MIF4GD: variants seen among roughly 807,000 people sequenced by gnomAD.
The protein encoded by MIF4GD is MIF4G domain containing, also known as MIF4G domain-containing protein.
A neutral mutation model predicts 26.7 loss-of-function variants in MIF4GD; 22 were observed. The ratio of observed to expected loss-of-function variants is 0.82; its 90% CI spans 0.59 to 1.18. The LOEUF (loss-of-function observed/expected upper bound fraction) is 1.18, where lower values mean the gene tolerates loss of function less well. MIF4GD is among the 50% of genes most tolerant of loss of function. The pLI is 0.00. For missense variants in MIF4GD, 262 were observed against 279.6 expected (o/e 0.94, Z 0.45); for synonymous variants, 137 against 111.6 (o/e 1.23, Z -1.43).
At position 75,266,342 on chromosome 17, in the gene MIF4GD, T is replaced by A. The variant is rs1016668485; in HGVS notation, c.*398A>T. 5.5e-6 allele frequency: 2 copies of A among 361,244 alleles called. No individual in the cohort carries two copies. Among genetic ancestry groups the A allele is most frequent in the Admixed American group, 8.5e-5 (2 of 23,468 alleles). 22.4% of individuals were successfully genotyped at this position (361,244 alleles called of 1,614,324 possible). A position where few individuals can be genotyped will look rare whatever the true frequency, so the allele number is the denominator to read the frequency against. ...ATAGGCTTGTTTCCAGAGTTGTCCT[T>A]ATACAAAATGTATAAAAAGCAGTTT... is the stretch of plus-strand genomic sequence containing the variant. On this transcript the variant is annotated 3_prime_UTR_variant, in exon 6 of 6. Transcript: ENST00000325102.
In MIF4GD at chr17:75,270,182, C is replaced by G. The variant is rs370509484; in HGVS notation, c.14G>C (p.Ser5Thr). 6.2e-7 allele frequency: 1 copy of G among 1,613,912 alleles called. No homozygotes were observed. The highest frequency in any genetic ancestry group is 1.3e-5 in the African/African-American group (1 of 74,934). MGEP[S>T]REEYKIQSFD... ...GGACTGGATTTTATACTCCTCTCTA[C>G]TGGGCTCCCCCATGACTAGCCAGCC... Residue 5 changes from serine (S) to threonine (T), a missense_variant, in exon 2 of 6, where the codon AGT becomes ACT. Ser to Thr is a moderately conservative substitution (Grantham distance 58). Transcript: ENST00000325102. The surrounding 1 kb of genome is among the most constrained non-coding windows in gnomAD (Gnocchi z 5.7).
Position 75,266,843 on chromosome 17 carries a change from G to C in MIF4GD, c.566C>G (p.Ser189Cys). 2 of 1,614,186 alleles carry C rather than the reference G, an allele frequency of 1.2e-6. No homozygotes were observed. The highest frequency in any genetic ancestry group is 1.7e-6 in the Non-Finnish European group (2 of 1,180,036). ...CTCCAGCAGCAGCAGCTGGGCCAGG[G>C]AGCTGAGGCCAGTTGGGAGCAGGAA... ...DGFLLPTGLS[S>C]LAQLLLLEII... The change falls in exon 6 of 6, where the codon TCC (serine) becomes TGC (cysteine). Residue 189 changes from serine to cysteine, a missense_variant. Physicochemically the swap from Ser to Cys is moderately radical, Grantham distance 112. Coordinates refer to ENST00000325102, the MANE Select transcript of MIF4GD (RefSeq NM_001370592.1).
At position 75,270,396 on chromosome 17, in the gene MIF4GD, T is replaced by G. The variant is rs907655497; in HGVS notation, c.-50-151A>C. ...GTGGTTGGCTGAAGGCCCACCAGGC[T>G]TGGCTTCTGGTGGGGACTGGGCATC... On this transcript the variant is annotated intron_variant, in intron 1 of 5. Transcript: ENST00000325102. The surrounding 1 kb of genome is among the most constrained non-coding windows in gnomAD (Gnocchi z 5.7). 1.9e-5 allele frequency: 11 copies of G among 577,958 alleles called. No individual in the cohort carries two copies. The highest frequency in any genetic ancestry group is 3.8e-5 in the African/African-American group (2 of 52,974). The allele number at this position is 577,958 out of a possible 1,614,324, so 35.8% of individuals were successfully genotyped here.
In MIF4GD at chr17:75,266,328, T is replaced by A. The variant is rs890774666; in HGVS notation, c.*412A>T. On this transcript the variant is annotated 3_prime_UTR_variant, in exon 6 of 6. Coordinates refer to ENST00000325102, the MANE Select transcript of MIF4GD (RefSeq NM_001370592.1). Reference sequence around the variant, plus strand: ...ACTGGCTGGAGGAAATAGGCTTGTTTCCAGAGTTGTCCTTATACAAAATGT... The same window carrying A: ...ACTGGCTGGAGGAAATAGGCTTGTTACCAGAGTTGTCCTTATACAAAATGT... 2.8e-6 allele frequency: 1 copy of A among 354,616 alleles called. No homozygotes were observed. Among genetic ancestry groups the A allele is most frequent in the Non-Finnish European group, 5.3e-6 (1 of 188,972 alleles). The allele number at this position is 354,616 out of a possible 1,614,324, so 22.0% of individuals were successfully genotyped here. A position where few individuals can be genotyped will look rare whatever the true frequency, so the allele number is the denominator to read the frequency against.
chr17:75,268,300 A>G, intron 2 of MIF4GD, 108 bp from the exon 3 acceptor site: 1 of 813,942 alleles, frequency 1.2e-6, no homozygotes, highest in Middle Eastern at 2.2e-4. Flanking sequence ...ATATGCTTGA[A>G]GTGAAAGAGA....
In MIF4GD at chr17:75,266,836, G is replaced by C. The variant is rs932449116; in HGVS notation, c.573C>G (p.Ala191=). Residue 191 remains alanine (A), a synonymous_variant, in exon 6 of 6, where the codon GCC becomes GCG. Transcript: ENST00000325102. ...FLLPTGLSSL[A]QLLLLEIIEF... Reference sequence around the variant, plus strand: ...CAATGATCTCCAGCAGCAGCAGCTGGGCCAGGGAGCTGAGGCCAGTTGGGA... The same window carrying C: ...CAATGATCTCCAGCAGCAGCAGCTGCGCCAGGGAGCTGAGGCCAGTTGGGA... 5.0e-6 allele frequency: 8 copies of C among 1,614,054 alleles called. No individual in the cohort carries two copies. The highest frequency in any genetic ancestry group is 1.6e-4 in the Middle Eastern group (1 of 6,082).
In MIF4GD at chr17:75,266,534, G is replaced by T. The variant is rs16967764; in HGVS notation, c.*206C>A. The T allele has an allele frequency of 3.3e-6, 2 of 603,206 alleles. No individual in the cohort carries two copies. Among genetic ancestry groups the T allele is most frequent in the South Asian group, 2.0e-5 (1 of 50,638 alleles). 37.4% of individuals were successfully genotyped at this position (603,206 alleles called of 1,614,324 possible). A position where few individuals can be genotyped will look rare whatever the true frequency, so the allele number is the denominator to read the frequency against. On this transcript the variant is annotated 3_prime_UTR_variant, in exon 6 of 6. Coordinates refer to ENST00000325102, the MANE Select transcript of MIF4GD (RefSeq NM_001370592.1). ...GGGAGTTGCCCTTCTCTGCCTGGCC[G>T]TGGTGGGTTGTGGTGGGGAAAGGGG...
Position 75,266,817 on chromosome 17 carries a change from TCTC to T in MIF4GD, c.589_591del (p.Glu197del). Reference sequence around the variant, plus strand: ...CAGCCGGCCGCCCGGAACTCAATGATCTCCAGCAGCAGCAGCTGGGCCAGGGAG... The same window carrying T: ...CAGCCGGCCGCCCGGAACTCAATGATCAGCAGCAGCAGCTGGGCCAGGGAG... On this transcript the variant is annotated inframe_deletion, in exon 6 of 6. Transcript: ENST00000325102. 4 of 1,614,042 alleles carry T rather than the reference TCTC, an allele frequency of 2.5e-6. No individual in the cohort carries two copies. Among genetic ancestry groups the T allele is most frequent in the South Asian group, 1.1e-5 (1 of 91,078 alleles).
rs756612545 is a variant in MIF4GD at position 75,267,911 on chromosome 17, A to G, written c.193-10T>C. On this transcript the variant is annotated splice_polypyrimidine_tract_variant and intron_variant, in intron 3 of 5. Transcript: ENST00000325102. ...CTTGTTTACTCTCTGCCTGTGAGCC[A>G]GGGAGAGGAAGGTGAAGGGTGGGGG... 1.2e-5 allele frequency: 20 copies of G among 1,609,018 alleles called. No homozygotes were observed. The highest frequency in any genetic ancestry group is 1.7e-5 in the Non-Finnish European group (20 of 1,177,674).
intron 2 of MIF4GD, chr17:75,269,476 C>G (rs1468055946): frequency 1.2e-6 from 2 of 1,610,712 alleles, no homozygotes; most frequent in Non-Finnish European, 1.7e-6. Flanking sequence ...GGGGCTATGG[C>G]AGCACAGAAA....
At position 75,270,395 on chromosome 17, in the gene MIF4GD, C is replaced by T. The variant is rs1469072358; in HGVS notation, c.-50-150G>A. Reference sequence around the variant, plus strand: ...GGTGGTTGGCTGAAGGCCCACCAGGCTTGGCTTCTGGTGGGGACTGGGCAT... The same window carrying T: ...GGTGGTTGGCTGAAGGCCCACCAGGTTTGGCTTCTGGTGGGGACTGGGCAT... On this transcript the variant is annotated intron_variant, in intron 1 of 5. Transcript: ENST00000325102. This position sits in a 1 kb window ranked among gnomAD's most constrained non-coding sequence, Gnocchi z 5.7. 3.5e-6 allele frequency: 2 copies of T among 578,692 alleles called. No individual in the cohort carries two copies. The highest frequency in any genetic ancestry group is 3.0e-5 in the Admixed American group (1 of 33,192). The allele number at this position is 578,692 out of a possible 1,614,324, so 35.8% of individuals were successfully genotyped here. A position where few individuals can be genotyped will look rare whatever the true frequency, so the allele number is the denominator to read the frequency against.
chr17:75,269,548 CTTTTTTTTTT>C (rs547476219), intron 2 of MIF4GD: 6,077 of 554,016 alleles, frequency 0.011, 13 homozygotes, highest in East Asian at 0.033. Flanking sequence ...TATGGTTAAA[CTTTTTTTTTT>C]TTTTTTTTTT....
chr17:75,268,222 A>T, intron 2 of MIF4GD, 30 bp from the exon 3 acceptor site: 1 of 1,550,700 alleles, frequency 6.4e-7, no homozygotes, highest in South Asian at 1.1e-5. Context: ...GGGAGTCTAG[A>T]GCTGCTGCTT....
chr17:75,268,965 T>C (rs1275933201), intron 2 of MIF4GD, among the ~76,000 whole-genome samples: 2 of 151,850 alleles, frequency 1.3e-5, no homozygotes, highest in East Asian at 3.9e-4. Context: ...GATCGTGCCA[T>C]TGCACTCCAG....
intron 2 of MIF4GD, chr17:75,269,370 G>A: frequency 6.2e-7 from 1 of 1,614,054 alleles, no homozygotes; most frequent in Non-Finnish European, 8.5e-7. Flanking sequence ...GTTACAGCGG[G>A]AAGGCATCAG....
intron 2 of MIF4GD, among the ~76,000 whole-genome samples, chr17:75,268,930 G>A (rs1046063292): frequency 2.6e-5 from 4 of 152,058 alleles, no homozygotes; most frequent in African/African-American, 9.7e-5. Flanking sequence ...CTTGAACCTG[G>A]GAGGCGGAGG....
rs2077491294 is a variant in MIF4GD, at chr17:75,266,604, G to C, written c.*136C>G. On this transcript the variant is annotated 3_prime_UTR_variant, in exon 6 of 6. Transcript: ENST00000325102. ...ATAAGTGGGAAACATCTCACCAGGAGATGGGAAAGTCTAGAAGGGAAGACA... is the reference window on the plus strand; with the variant it reads ...ATAAGTGGGAAACATCTCACCAGGACATGGGAAAGTCTAGAAGGGAAGACA... 2.5e-6 allele frequency: 2 copies of C among 801,570 alleles called. No homozygotes were observed. Among genetic ancestry groups the C allele is most frequent in the South Asian group, 3.3e-5 (2 of 61,510 alleles). 49.7% of individuals were successfully genotyped at this position (801,570 alleles called of 1,614,324 possible). A position where few individuals can be genotyped will look rare whatever the true frequency, so the allele number is the denominator to read the frequency against.
Position 75,270,456 on chromosome 17 carries a change from C to T in MIF4GD, c.-50-211G>A. ...CCTGCTGCTCAGTTTAGAAATCCCTCGCTTGTGGGATTACACAAGAGCGAG... is the reference window on the plus strand; with the variant it reads ...CCTGCTGCTCAGTTTAGAAATCCCTTGCTTGTGGGATTACACAAGAGCGAG... On this transcript the variant is annotated intron_variant, in intron 1 of 5. Coordinates refer to ENST00000325102, the MANE Select transcript of MIF4GD (RefSeq NM_001370592.1). The surrounding 1 kb of genome is among the most constrained non-coding windows in gnomAD (Gnocchi z 5.7). The T allele has an allele frequency of 2.2e-6, 1 of 460,608 alleles. No individual in the cohort carries two copies. Among genetic ancestry groups the T allele is most frequent in the Non-Finnish European group, 4.0e-6 (1 of 251,148 alleles). The allele number at this position is 460,608 out of a possible 1,614,324, so 28.5% of individuals were successfully genotyped here.
intron 2 of MIF4GD, among the ~76,000 whole-genome samples, chr17:75,268,580 G>T (rs2145676933): frequency 6.6e-6 from 1 of 151,344 alleles, no homozygotes; most frequent in Non-Finnish European, 1.5e-5. Flanking sequence ...GCTAGGGCAG[G>T]AGAATCGCTT....
Sources: gnomAD v4.1 joint callset for allele counts (sites outside exome capture counted in the v4.1 genomes callset) on GRCh38, gnomAD v4.1.1 for gene constraint, Gnocchi (gnomAD v3.1) non-coding constraint, MANE v1.5 for transcripts, NCBI Gene and HGNC (gene_info 2026-07-23, HGNC 2026-07-21) for gene names.